Variants in TXNDC16 observed in about 807,000 individuals in gnomAD.
TXNDC16 encodes the protein thioredoxin domain-containing protein 16.
A neutral mutation model predicts 85.6 loss-of-function variants in TXNDC16; 74 were observed. That is an observed-to-expected ratio of 0.86 (90% CI 0.72 to 1.05). The LOEUF (loss-of-function observed/expected upper bound fraction) is 1.05, where lower values mean the gene tolerates loss of function less well. TXNDC16 is among the 50% of genes least tolerant of loss of function. The probability of loss-of-function intolerance (pLI) is 0.00; values close to 1 mark genes in which losing one functional copy is unlikely to be tolerated. For missense variants in TXNDC16, 959 were observed against 947.0 expected (o/e 1.01, Z -0.17); for synonymous variants, 335 against 326.5 (o/e 1.03, Z -0.28).
intron 9 of TXNDC16, among the ~76,000 whole-genome samples, chr14:52,502,267 C>T (rs1027033276): frequency 2.0e-5 from 3 of 152,184 alleles, no homozygotes; most frequent in African/African-American, 4.8e-5. Context: ...AAAAAAAGTT[C>T]AAACAAATAA....
intron 3 of TXNDC16, 32 bp from the exon 4 acceptor site, chr14:52,542,485 G>T: frequency 6.7e-7 from 1 of 1,500,774 alleles, no homozygotes; most frequent in Non-Finnish European, 9.2e-7. Flanking sequence ...GAATGTTTAT[G>T]AATTGCCCCT....
In TXNDC16 at chr14:52,491,012, T is replaced by C. The variant is rs762134201; in HGVS notation, c.757-7A>G. 4 of 1,369,928 alleles carry C rather than the reference T, an allele frequency of 2.9e-6. No individual in the cohort carries two copies. In the South Asian group the frequency reaches 5.1e-5, roughly 17 times the overall value. The allele number at this position is 1,369,928 out of a possible 1,614,324, so 84.9% of individuals were successfully genotyped here. A position where few individuals can be genotyped will look rare whatever the true frequency, so the allele number is the denominator to read the frequency against. ...GATCTTCAGCAACTTCAGTCTTCATTGAAAAAAAAAAAAAAAAAAGGTGTG... is the reference window on the plus strand; with the variant it reads ...GATCTTCAGCAACTTCAGTCTTCATCGAAAAAAAAAAAAAAAAAAGGTGTG... On this transcript the variant is annotated splice_region_variant and splice_polypyrimidine_tract_variant and intron_variant, in intron 9 of 20. Transcript: ENST00000281741.
intron 16 of TXNDC16, among the ~76,000 whole-genome samples, chr14:52,467,660 T>C (rs1488084545): frequency 1.3e-5 from 2 of 152,116 alleles, no homozygotes; most frequent in Non-Finnish European, 2.9e-5. Flanking sequence ...GAATGTAAAA[T>C]GATGCAGCCA....
intron 10 of TXNDC16, 142 bp from the exon 11 acceptor site, chr14:52,490,593 A>G: frequency 2.5e-6 from 2 of 785,492 alleles, no homozygotes; most frequent in Non-Finnish European, 3.9e-6. Flanking sequence ...AAAATTTTAC[A>G]CGTAAACATA....
chr14:52,505,874 A>G, intron 9 of TXNDC16, among the ~76,000 whole-genome samples: 1 of 152,244 alleles, frequency 6.6e-6, no homozygotes. Flanking sequence ...GACACAATAA[A>G]AAATGATAAA....
intron 9 of TXNDC16, among the ~76,000 whole-genome samples, chr14:52,509,958 G>A (rs2036916430): frequency 6.7e-6 from 1 of 148,652 alleles, no homozygotes; most frequent in Admixed American, 6.7e-5. Flanking sequence ...TCCAGCCTGG[G>A]AAACAGAGCG....
chr14:52,545,972 G>A (rs1291249100), intron 1 of TXNDC16, among the ~76,000 whole-genome samples: 1 of 151,730 alleles, frequency 6.6e-6, no homozygotes, highest in African/African-American at 2.4e-5. Context: ...TTTACCTCCA[G>A]TAATTAGAAA....
intron 12 of TXNDC16, among the ~76,000 whole-genome samples, 192 bp from the exon 13 acceptor site, chr14:52,483,157 C>T (rs2036188844): frequency 6.6e-6 from 1 of 152,018 alleles, no homozygotes; most frequent in African/African-American, 2.4e-5. Context: ...GCTTCCTGAC[C>T]TAGAAGTTGG....
intron 9 of TXNDC16, 100 bp downstream of exon 9, chr14:52,511,140 A>G: frequency 7.3e-6 from 8 of 1,098,230 alleles, no homozygotes; most frequent in Non-Finnish European, 9.8e-6. Context: ...ATGCATCTAT[A>G]AATCAAAACT....
chr14:52,550,565 CTGA>C (rs2140238504), intron 1 of TXNDC16, among the ~76,000 whole-genome samples: 1 of 152,348 alleles, frequency 6.6e-6, no homozygotes, highest in East Asian at 1.9e-4. Flanking sequence ...CTTGCTCTTA[CTGA>C]CACATGGCAG....
At chr14:52,506,527 C>CTTTTTTTTTTTTTTTTTTTTT (rs765293725) in intron 9 of TXNDC16, among the ~76,000 whole-genome samples, 98 of 97,554 alleles carry the variant, frequency 1.0e-3, no homozygotes, top group South Asian at 1.7e-3. Context: ...TTCAACAACC[C>CTTTTTTTTTTTTTTTTTTTTT]TTTTTTTTTT....
intron 16 of TXNDC16, among the ~76,000 whole-genome samples, chr14:52,458,192 T>C (rs926771665): frequency 6.6e-6 from 1 of 152,194 alleles, no homozygotes; most frequent in Non-Finnish European, 1.5e-5. Context: ...TGAGCAATAC[T>C]GTCTGTAGGA....
intron 4 of TXNDC16, among the ~76,000 whole-genome samples, chr14:52,539,752 A>T (rs1171714592): frequency 2.0e-5 from 3 of 152,222 alleles, no homozygotes; most frequent in Non-Finnish European, 2.9e-5. Context: ...GAGAAAGAAA[A>T]GTCAAGGATG....
At chr14:52,540,984 C>T (rs1455507226) in intron 4 of TXNDC16, among the ~76,000 whole-genome samples, 1 of 151,986 alleles carries the variant, frequency 6.6e-6, no homozygotes, top group Admixed American at 6.6e-5. Flanking sequence ...GCCTGTAATC[C>T]CAGAATTTTG....
chr14:52,527,026 A>C (rs1346070377), intron 6 of TXNDC16, among the ~76,000 whole-genome samples: 1 of 152,190 alleles, frequency 6.6e-6, no homozygotes, highest in Non-Finnish European at 1.5e-5. Context: ...GCCCCTTTCC[A>C]TGTGCCCTGC....
Position 52,514,768 on chromosome 14 carries a change from CCTTT to C in TXNDC16, c.605+108_605+111del, listed in dbSNP as rs988988375. 33 of 719,760 alleles carry C rather than the reference CCTTT, an allele frequency of 4.6e-5. No individual in the cohort carries two copies. The African/African-American group carries it at 5.5e-4, about 12-fold the overall frequency. 44.6% of individuals were successfully genotyped at this position (719,760 alleles called of 1,614,324 possible). On this transcript the variant is annotated intron_variant, in intron 8 of 20. Transcript: ENST00000281741. ...TTATATATTCACATCTGCTATGGTT[CCTTT>C]ATCTAAGCCCATGCTGTGGGAGCAT... is the stretch of plus-strand genomic sequence containing the variant.
At chr14:52,542,296 A>T in intron 4 of TXNDC16, 75 bp downstream of exon 4, 1 of 936,606 alleles carries the variant, frequency 1.1e-6, no homozygotes, top group South Asian at 1.6e-5. Context: ...GAAGTATTTT[A>T]AGATATTCAA....
chr14:52,434,317 A>G (rs773306686), intron 20 of TXNDC16, among the ~76,000 whole-genome samples: 8 of 152,220 alleles, frequency 5.3e-5, no homozygotes, highest in South Asian at 4.1e-4. Flanking sequence ...AAACATCCCA[A>G]TTCTGCTAAT....
At chr14:52,530,252 A>ATAT (rs2037479225) in intron 6 of TXNDC16, among the ~76,000 whole-genome samples, 1 of 37,572 alleles carries the variant, frequency 2.7e-5, no homozygotes, top group African/African-American at 1.8e-4. Context: ...TATATAATAT[A>ATAT]TATTATATAA....
Sources: gnomAD v4.1 joint callset for allele counts (sites outside exome capture counted in the v4.1 genomes callset) on GRCh38, gnomAD v4.1.1 for gene constraint, MANE v1.5 for transcripts, NCBI Gene and HGNC (gene_info 2026-07-23, HGNC 2026-07-21) for gene names.